ADGRL3: variants seen among roughly 807,000 people sequenced by gnomAD.
ADGRL3 encodes adhesion G protein-coupled receptor L3.
Under a neutral mutation model 153.5 loss-of-function variants are expected in ADGRL3, and 62 were observed. That is an observed-to-expected ratio of 0.40 (90% CI 0.33 to 0.50). The LOEUF (loss-of-function observed/expected upper bound fraction) is 0.50. ADGRL3 is among the 20% of genes least tolerant of loss of function. ADGRL3 has a pLI of 0.47. For synonymous variants in ADGRL3, 710 were observed against 672.5 expected, an observed-to-expected ratio of 1.06 and a Z score of -0.86; for missense variants, 1,641 against 1,859.4, an observed-to-expected ratio of 0.88 and a Z score of 2.16.
At chr4:61,779,924 C>G (rs1176664258) in intron 8 of ADGRL3, among the ~76,000 whole-genome samples, 1 of 152,086 alleles carries the variant, frequency 6.6e-6, no homozygotes, top group South Asian at 2.1e-4. Flanking sequence ...CTCCCACATC[C>G]CATCAAATCA....
chr4:61,358,553 T>C (rs551726293), intron 1 of ADGRL3, among the ~76,000 whole-genome samples: 283 of 130,368 alleles, frequency 2.2e-3, no homozygotes, highest in African/African-American at 5.1e-3. Context: ...GTGGAGATCG[T>C]GCCACTGCAC....
intron 1 of ADGRL3, among the ~76,000 whole-genome samples, chr4:61,224,051 T>G (rs1279266654): frequency 1.3e-5 from 2 of 152,076 alleles, no homozygotes; most frequent in Non-Finnish European, 2.9e-5. Flanking sequence ...TTTAAAAAAT[T>G]GTTAAATTTT....
rs751264723 is a variant in ADGRL3 at position 62,031,529 on chromosome 4, C to A, written c.3510C>A (p.Val1170=). Residue 1170 remains valine (V), a synonymous_variant, in exon 23 of 27, where the codon GTC becomes GTA. Coordinates refer to ENST00000683033, the MANE Select transcript of ADGRL3 (RefSeq NM_001387552.1). ...TCATGTATATTAATGAAAGCACAGTCATCATGGCCTATCTCTTCACCATTT... is the reference window on the plus strand; with the variant it reads ...TCATGTATATTAATGAAAGCACAGTAATCATGGCCTATCTCTTCACCATTT... ...FGLMYINEST[V]IMAYLFTIFN... is the part of the protein sequence containing the mutation. 1 of 1,610,196 alleles carries A rather than the reference C, an allele frequency of 6.2e-7. No homozygotes were observed. Among genetic ancestry groups the A allele is most frequent in the Non-Finnish European group, 8.5e-7 (1 of 1,177,138 alleles).
At chr4:62,048,556 C>T (rs1053507161) in intron 25 of ADGRL3, among the ~76,000 whole-genome samples, 15 of 151,594 alleles carry the variant, frequency 9.9e-5, no homozygotes, top group African/African-American at 2.2e-4. Context: ...CCACCACGCC[C>T]GGCTATTTTT....
intron 9 of ADGRL3, among the ~76,000 whole-genome samples, chr4:61,816,348 G>A (rs1172937891): frequency 6.6e-6 from 1 of 152,098 alleles, no homozygotes; most frequent in African/African-American, 2.4e-5. Flanking sequence ...GCAGAGGAGG[G>A]GACTCACTCA....
chr4:61,582,342 C>A (rs1186787608), intron 4 of ADGRL3, among the ~76,000 whole-genome samples: 1 of 151,962 alleles, frequency 6.6e-6, no homozygotes, highest in Non-Finnish European at 1.5e-5. Context: ...CTCCCTCCCC[C>A]CGCTCCTGCC....
Position 62,073,909 on chromosome 4 carries a change from C to T in ADGRL3, c.*3001C>T, listed in dbSNP as rs780004584. 4.6e-5 allele frequency: 7 copies of T among 151,650 alleles called. No homozygotes were observed. The highest frequency in any genetic ancestry group is 7.3e-5 in the African/African-American group (3 of 41,274). The allele number at this position is 151,650 out of a possible 1,614,324, so 9.4% of individuals were successfully genotyped here. A position where few individuals can be genotyped will look rare whatever the true frequency, so the allele number is the denominator to read the frequency against. On this transcript the variant is annotated 3_prime_UTR_variant, in exon 27 of 27. Coordinates refer to ENST00000683033, the MANE Select transcript of ADGRL3 (RefSeq NM_001387552.1). ...ATTTCCCCTGCAAGTATTATGTAAC[C>T]GTAATTAAAAAAAATGGATAAAGGA...
chr4:61,462,397 G>A (rs550564366), intron 2 of ADGRL3, among the ~76,000 whole-genome samples: 3 of 152,076 alleles, frequency 2.0e-5, no homozygotes, highest in South Asian at 2.1e-4. Flanking sequence ...TATTCTGGCA[G>A]GTAAGAAGTC....
At position 61,911,064 on chromosome 4, in the gene ADGRL3, C is replaced by T. The variant is rs142495735; in HGVS notation, c.2073+1319C>T. Among the ~76,000 whole-genome samples the T allele has an allele frequency of 6.7e-3, 1,020 of 152,128 alleles. 37 individuals are homozygous for T. Among genetic ancestry groups the T allele is most frequent in the Admixed American group, 0.041 (624 of 15,260 alleles). On this transcript the variant is annotated intron_variant, in intron 12 of 26. Coordinates refer to ENST00000683033, the MANE Select transcript of ADGRL3 (RefSeq NM_001387552.1). ...CCTGATGGAATATAATCCACAGCTA[C>T]CTATATAATCTGGGCGTGCTGTGAT... is the stretch of plus-strand genomic sequence containing the variant.
chr4:61,719,794 G>C lies in ADGRL3; in HGVS notation c.584-10828G>C, dbSNP rs1388386128. 2.0e-5 allele frequency among the ~76,000 whole-genome samples: 3 copies of C among 151,636 alleles called. No homozygotes were observed. In the East Asian group the frequency reaches 5.9e-4, roughly 30 times the overall value. Reference sequence around the variant, plus strand: ...TTTTTGTATTTTTTAGTGGAGACTGGTTTTCATTATGTTGGCCAGGCTGGT... The same window carrying C: ...TTTTTGTATTTTTTAGTGGAGACTGCTTTTCATTATGTTGGCCAGGCTGGT... On this transcript the variant is annotated intron_variant, in intron 6 of 26. Coordinates refer to ENST00000683033, the MANE Select transcript of ADGRL3 (RefSeq NM_001387552.1).
intron 1 of ADGRL3, among the ~76,000 whole-genome samples, chr4:61,374,458 A>C (rs955265392): frequency 6.6e-6 from 1 of 152,172 alleles, no homozygotes; most frequent in Middle Eastern, 3.4e-3. Context: ...CAGGCTTGTA[A>C]GTTACATTGG....
rs150581799 is a variant in ADGRL3, at chr4:61,406,708, G to A, written c.-174+23519G>A. ...GAAATATTCCACATTCGTGTTTGGA[G>A]AGGCAAGGGTAGCTCAGATATTTTA... On this transcript the variant is annotated intron_variant, in intron 2 of 26. Coordinates refer to ENST00000683033, the MANE Select transcript of ADGRL3 (RefSeq NM_001387552.1). Among the ~76,000 whole-genome samples, 703 of 152,088 alleles carry A rather than the reference G, an allele frequency of 4.6e-3. 5 individuals are homozygous for A. The highest frequency in any genetic ancestry group is 0.016 in the African/African-American group (682 of 41,540).
intron 3 of ADGRL3, among the ~76,000 whole-genome samples, chr4:61,498,567 A>G (rs1432095192): frequency 6.6e-6 from 1 of 152,054 alleles, no homozygotes; most frequent in East Asian, 1.9e-4. Context: ...AAATGAAAAC[A>G]TACACAATAA....
intron 8 of ADGRL3, among the ~76,000 whole-genome samples, chr4:61,743,737 A>G (rs2096613606): frequency 6.6e-6 from 1 of 152,194 alleles, no homozygotes; most frequent in South Asian, 2.1e-4. Flanking sequence ...TGGAGCCAAG[A>G]TGGCCGAATA....
intron 8 of ADGRL3, among the ~76,000 whole-genome samples, chr4:61,768,034 G>A (rs62304368): frequency 6.6e-6 from 1 of 151,916 alleles, no homozygotes; most frequent in Non-Finnish European, 1.5e-5. Flanking sequence ...CCTTTTAGGG[G>A]CTAGGGCTGT....
chr4:61,955,053 T>C (rs1424391978), intron 17 of ADGRL3, among the ~76,000 whole-genome samples: 2 of 152,150 alleles, frequency 1.3e-5, no homozygotes, highest in Non-Finnish European at 2.9e-5. Flanking sequence ...CACTGAAGCT[T>C]TTCTGCCTTT....
At chr4:61,871,168 C>T (rs1486733178) in intron 9 of ADGRL3, among the ~76,000 whole-genome samples, 2 of 151,922 alleles carry the variant, frequency 1.3e-5, no homozygotes, top group Non-Finnish European at 2.9e-5. Context: ...GTCCCAACTA[C>T]TCAGCAGGCT....
At chr4:61,247,717 C>T (rs560367479) in intron 1 of ADGRL3, among the ~76,000 whole-genome samples, 4 of 151,886 alleles carry the variant, frequency 2.6e-5, no homozygotes, top group Non-Finnish European at 5.9e-5. Context: ...TATATGATTG[C>T]CTTTTCCTAC....
At chr4:61,687,537 C>T (rs955946436) in intron 6 of ADGRL3, among the ~76,000 whole-genome samples, 15 of 151,960 alleles carry the variant, frequency 9.9e-5, no homozygotes, top group Non-Finnish European at 1.6e-4. Context: ...TATACCTTCT[C>T]TGTCATGGAC....
Sources: gnomAD v4.1 joint callset for allele counts (sites outside exome capture counted in the v4.1 genomes callset) on GRCh38, gnomAD v4.1.1 for gene constraint, MANE v1.5 for transcripts, NCBI Gene and HGNC (gene_info 2026-07-23, HGNC 2026-07-21) for gene names.